SSBP2: variants seen among roughly 807,000 people sequenced by gnomAD.
The protein encoded by SSBP2 is single-stranded DNA-binding protein 2.
Under a neutral mutation model 61.8 loss-of-function variants are expected in SSBP2, and 17 were observed. The observed-to-expected ratio is 0.28, with a 90% confidence interval of 0.19 to 0.41. The LOEUF (loss-of-function observed/expected upper bound fraction) is 0.41. Among genes scored for constraint, SSBP2 ranks in the 10% least tolerant of loss-of-function variants. The probability of loss-of-function intolerance (pLI) is 1.00; values close to 1 mark genes in which losing one functional copy is unlikely to be tolerated. For missense variants in SSBP2, 310 were observed against 458.7 expected, an observed-to-expected ratio of 0.68 and a Z score of 2.96; for synonymous variants, 139 against 141.3, an observed-to-expected ratio of 0.98 and a Z score of 0.12.
chr5:81,593,814 C>G (rs1007103276), intron 4 of SSBP2, among the ~76,000 whole-genome samples: 2 of 152,140 alleles, frequency 1.3e-5, no homozygotes, highest in Non-Finnish European at 2.9e-5. Flanking sequence ...CACCACCAGG[C>G]CTGCCCTAAA....
At chr5:81,638,349 TAAAA>T (rs1748442748) in intron 2 of SSBP2, among the ~76,000 whole-genome samples, 2 of 138,262 alleles carry the variant, frequency 1.4e-5, no homozygotes, top group Non-Finnish European at 3.2e-5. Context: ...AATAAAAAAA[TAAAA>T]TAAATAAAAA....
Position 81,415,044 on chromosome 5 carries a change from AG to A in SSBP2, c.*5459del, listed in dbSNP as rs1255580645. On this transcript the variant is annotated 3_prime_UTR_variant, in exon 17 of 17. Coordinates refer to ENST00000320672, the MANE Select transcript of SSBP2 (RefSeq NM_012446.5). ...TTCTCAAGGTATGGTTCACAGACCC[AG>A]GGAGACCTTTACACATGCTTAAGAT... 1 of 152,216 alleles carries A rather than the reference AG, an allele frequency of 6.6e-6. No individual in the cohort carries two copies. The highest frequency in any genetic ancestry group is 2.4e-5 in the African/African-American group (1 of 41,462). The allele number at this position is 152,216 out of a possible 1,614,324, so 9.4% of individuals were successfully genotyped here.
At chr5:81,476,995 TG>T (rs1249518315) in intron 6 of SSBP2, among the ~76,000 whole-genome samples, 1 of 152,042 alleles carries the variant, frequency 6.6e-6, no homozygotes, top group East Asian at 1.9e-4. Context: ...GGTGTGTGTG[TG>T]TATGTGTGTG....
At chr5:81,593,252 C>T (rs540433244) in intron 4 of SSBP2, among the ~76,000 whole-genome samples, 5 of 151,952 alleles carry the variant, frequency 3.3e-5, no homozygotes, top group South Asian at 2.1e-4. Flanking sequence ...TGATGGAAGA[C>T]AAAATGAATG....
Position 81,642,647 on chromosome 5 carries a change from A to G in SSBP2, c.136-6029T>C, listed in dbSNP as rs1408469865. On this transcript the variant is annotated intron_variant, in intron 2 of 16. Transcript: ENST00000320672. ...ACATATATGTAACAATTTTCATTGA[A>G]GCATTGTTTTAATTGAAAGAGACTG... Among the ~76,000 whole-genome samples, 3 of 152,208 alleles carry G rather than the reference A, an allele frequency of 2.0e-5. No individual in the cohort carries two copies. The East Asian group carries it at 5.8e-4, about 29-fold the overall frequency.
intron 3 of SSBP2, among the ~76,000 whole-genome samples, chr5:81,615,785 T>A (rs935787050): frequency 6.6e-6 from 1 of 152,238 alleles, no homozygotes; most frequent in African/African-American, 2.4e-5. Flanking sequence ...AAAAAATTTA[T>A]AGCAATAATT....
At chr5:81,637,441 C>T (rs1030046948) in intron 2 of SSBP2, among the ~76,000 whole-genome samples, 2 of 152,344 alleles carry the variant, frequency 1.3e-5, no homozygotes, top group East Asian at 3.9e-4. Flanking sequence ...TGTTGAAACA[C>T]TCAGCGTGCT....
At chr5:81,616,995 A>G (rs1359926250) in intron 3 of SSBP2, among the ~76,000 whole-genome samples, 4 of 117,752 alleles carry the variant, frequency 3.4e-5, no homozygotes, top group Non-Finnish European at 5.3e-5. Flanking sequence ...AACCACAAAG[A>G]TGGGGAAAAA....
chr5:81,682,387 A>T (rs1752451272), intron 1 of SSBP2, among the ~76,000 whole-genome samples: 1 of 152,216 alleles, frequency 6.6e-6, no homozygotes, highest in Admixed American at 6.5e-5. Context: ...AACATTCAAA[A>T]ATCAAATAGT....
chr5:81,670,640 G>A (rs1751517376), intron 1 of SSBP2, among the ~76,000 whole-genome samples: 1 of 152,114 alleles, frequency 6.6e-6, no homozygotes, highest in South Asian at 2.1e-4. Flanking sequence ...ACAAGGAAAA[G>A]CATTGAAAAT....
rs184179879 is a variant in SSBP2, at chr5:81,556,192, A to C, written c.283-42475T>G. 2.1e-3 allele frequency among the ~76,000 whole-genome samples: 326 copies of C among 152,210 alleles called. 2 individuals are homozygous for C. Among genetic ancestry groups the C allele is most frequent in the African/African-American group, 7.6e-3 (314 of 41,556 alleles). On this transcript the variant is annotated intron_variant, in intron 4 of 16. Coordinates refer to ENST00000320672, the MANE Select transcript of SSBP2 (RefSeq NM_012446.5). ...TTTATTATCTTTATATATTATCTTTATATAGTGACCTTTTCCTACCAATAC... is the reference window on the plus strand; with the variant it reads ...TTTATTATCTTTATATATTATCTTTCTATAGTGACCTTTTCCTACCAATAC...
At chr5:81,658,373 C>T (rs1029439353) in intron 1 of SSBP2, among the ~76,000 whole-genome samples, 3 of 152,034 alleles carry the variant, frequency 2.0e-5, no homozygotes, top group Non-Finnish European at 2.9e-5. Context: ...CCAGTATCCA[C>T]GGGGATTGAC....
intron 1 of SSBP2, among the ~76,000 whole-genome samples, chr5:81,722,547 A>C (rs1755606901): frequency 6.6e-6 from 1 of 151,946 alleles, no homozygotes; most frequent in African/African-American, 2.4e-5. Flanking sequence ...AGAATTCTGG[A>C]AACATTCAGA....
rs575395563 is a variant in SSBP2, at chr5:81,592,494, T to C, written c.282+22979A>G. 6.1e-4 allele frequency among the ~76,000 whole-genome samples: 93 copies of C among 152,280 alleles called. 1 individual carries two copies. Among genetic ancestry groups the C allele is most frequent in the African/African-American group, 2.2e-3 (91 of 41,532 alleles). ...TGTCTGACAGCTTTGAAGAGAGTAG[T>C]GGTTCTCCCAGCATGCAGCTTGAGA... On this transcript the variant is annotated intron_variant, in intron 4 of 16. Transcript: ENST00000320672.
At chr5:81,597,285 A>T (rs892374298) in intron 4 of SSBP2, among the ~76,000 whole-genome samples, 1 of 152,254 alleles carries the variant, frequency 6.6e-6, no homozygotes, top group Non-Finnish European at 1.5e-5. Context: ...GCCATCAGAG[A>T]AATGCAAATC....
At chr5:81,578,590 C>A (rs1232989513) in intron 4 of SSBP2, among the ~76,000 whole-genome samples, 9 of 150,368 alleles carry the variant, frequency 6.0e-5, no homozygotes, top group Non-Finnish European at 1.2e-4. Context: ...AGAGGGAATG[C>A]AGAAAAGGAA....
intron 4 of SSBP2, among the ~76,000 whole-genome samples, chr5:81,543,634 A>G (rs868163984): frequency 6.6e-6 from 1 of 152,154 alleles, no homozygotes; most frequent in East Asian, 1.9e-4. Context: ...AAACCTACAT[A>G]TATGTATCCT....
intron 3 of SSBP2, among the ~76,000 whole-genome samples, chr5:81,629,734 ATATT>A (rs1747519032): frequency 6.6e-6 from 1 of 152,200 alleles, no homozygotes; most frequent in Non-Finnish European, 1.5e-5. Context: ...AAAATTGTAT[ATATT>A]TAAGATGTAC....
intron 10 of SSBP2, among the ~76,000 whole-genome samples, chr5:81,453,678 G>C (rs1017987151): frequency 6.6e-6 from 1 of 151,898 alleles, no homozygotes; most frequent in Admixed American, 6.6e-5. Flanking sequence ...GGATGGTCTC[G>C]ATCTCCTGAC....
Sources: gnomAD v4.1 joint callset for allele counts (sites outside exome capture counted in the v4.1 genomes callset) on GRCh38, gnomAD v4.1.1 for gene constraint, MANE v1.5 for transcripts, NCBI Gene and HGNC (gene_info 2026-07-23, HGNC 2026-07-21) for gene names.